The following MYSM1 variants were observed in gnomAD, a reference collection of about 807,000 sequenced individuals.
The protein encoded by MYSM1 is deubiquitinase MYSM1.
MYSM1 carries 51 observed loss-of-function variants against 116.0 expected under a neutral mutation model. The observed-to-expected ratio is 0.44, with a 90% CI of 0.35 to 0.56. The LOEUF is 0.56. Ranked by LOEUF, MYSM1 falls within the 20% of genes least tolerant of loss-of-function variation. The probability of loss-of-function intolerance (pLI) is 0.00; values close to 1 mark genes in which losing one functional copy is unlikely to be tolerated. For synonymous variants in MYSM1, 313 were observed against 315.2 expected (o/e 0.99, Z 0.07); for missense variants, 900 against 974.9 (o/e 0.92, Z 1.02).
intron 9 of MYSM1, among the ~76,000 whole-genome samples, chr1:58,675,864 C>T (rs1644642765): frequency 6.6e-6 from 1 of 152,086 alleles, no homozygotes; most frequent in South Asian, 2.1e-4. Context: ...AAGCAAAAAT[C>T]CTTTAGTTTT....
chr1:58,668,081 A>T (rs563151223), intron 14 of MYSM1, among the ~76,000 whole-genome samples, 160 bp from the exon 15 acceptor site: 1 of 152,342 alleles, frequency 6.6e-6, no homozygotes, highest in Admixed American at 6.5e-5. Flanking sequence ...ATCAGTGCAC[A>T]GAAACTAAGA....
intron 11 of MYSM1, among the ~76,000 whole-genome samples, 170 bp downstream of exon 11, chr1:58,673,403 C>T (rs1343243771): frequency 2.6e-5 from 4 of 152,200 alleles, no homozygotes; most frequent in African/African-American, 7.2e-5. Context: ...ACTGCACCAC[C>T]AATGCCTTCT....
rs1644304452 is a variant in MYSM1 at position 58,655,234 on chromosome 1, C to T, written c.*4763G>A. 1 of 152,092 alleles carries T rather than the reference C, an allele frequency of 6.6e-6. No individual in the cohort carries two copies. The highest frequency in any genetic ancestry group is 2.1e-4 in the South Asian group (1 of 4,826). 9.4% of individuals were successfully genotyped at this position (152,092 alleles called of 1,614,324 possible). A position where few individuals can be genotyped will look rare whatever the true frequency, so the allele number is the denominator to read the frequency against. On this transcript the variant is annotated 3_prime_UTR_variant, in exon 20 of 20. Transcript: ENST00000472487. ...GTTTAAATACATGTTTCACAGTAAT[C>T]TATGAAACAGGAATATAAACTATGA...
intron 7 of MYSM1, among the ~76,000 whole-genome samples, chr1:58,682,936 G>C (rs6658366): frequency 0.9 from 137,014 of 152,100 alleles, 61,748 homozygotes; most frequent in East Asian, 0.93. Context: ...ACCTTGTGAT[G>C]CACCTGCCTC....
Position 58,699,790 on chromosome 1 carries a change from C to T in MYSM1, c.68+195G>A, listed in dbSNP as rs573851306. 4.9e-5 allele frequency: 48 copies of T among 985,464 alleles called. 1 individual carries two copies. The South Asian group carries it at 2.0e-3, about 41-fold the overall frequency. 61.0% of individuals were successfully genotyped at this position (985,464 alleles called of 1,614,324 possible). ...TGAAAGCGACCCAGGAGTACCTGAG[C>T]TCCAGGTAACCGCCCTGCCCGCTGG... is the stretch of plus-strand genomic sequence containing the variant. On this transcript the variant is annotated intron_variant, in intron 1 of 19. Coordinates refer to ENST00000472487, the MANE Select transcript of MYSM1 (RefSeq NM_001085487.3).
chr1:58,670,303 A>G (rs1644541272), intron 12 of MYSM1, among the ~76,000 whole-genome samples: 1 of 152,238 alleles, frequency 6.6e-6, no homozygotes, highest in Non-Finnish European at 1.5e-5. Context: ...CTTAAGAACC[A>G]CGGATATGGA....
chr1:58,667,124 A>T lies in MYSM1; in HGVS notation c.1945T>A (p.Phe649Ile). Residue 649 changes from phenylalanine (F) to isoleucine (I), a missense_variant, in exon 16 of 20, where the codon TTC (phenylalanine) becomes ATC (isoleucine). Around this residue, in one of 3 missense-constraint regions of MYSM1, gnomAD observed 92 missense variants for 155.0 expected, o/e 0.59. Transcript: ENST00000472487. ...QASETLAVRG[F>I]SVIGWYHSHP... ...GAATGATACCATCCAATAACACTGA[A>T]GCCTCTAACAGCCAAGGTTTCTGAG... is the stretch of plus-strand genomic sequence containing the variant. 1 of 1,613,536 alleles carries T rather than the reference A, an allele frequency of 6.2e-7. No individual in the cohort carries two copies. The highest frequency in any genetic ancestry group is 8.5e-7 in the Non-Finnish European group (1 of 1,179,602).
chr1:58,681,826 T>C lies in MYSM1; in HGVS notation c.1218A>G (p.Pro406=), dbSNP rs762547339. Residue 406 remains proline (P), a synonymous_variant, in exon 8 of 20, where the codon CCA becomes CCG. Transcript: ENST00000472487. ...AATTTCTAATTTTCAAATAGCGTTC[T>C]GGTGTTTTAGCTTGGCGCCCCTCAA... The part of the protein sequence containing the change: ...EFFEGRQAKT[P]ERYLKIRNYI... 26 of 1,603,002 alleles carry C rather than the reference T, an allele frequency of 1.6e-5. No homozygotes were observed. The highest frequency in any genetic ancestry group is 2.2e-5 in the Non-Finnish European group (26 of 1,177,228).
chr1:58,691,151 G>C (rs1644900376), intron 3 of MYSM1, among the ~76,000 whole-genome samples: 1 of 152,016 alleles, frequency 6.6e-6, no homozygotes, highest in South Asian at 2.1e-4. Flanking sequence ...GTGGTGGCGG[G>C]CGCCTGTAGT....
intron 12 of MYSM1, 44 bp from the exon 13 acceptor site, chr1:58,669,082 G>A: frequency 1.5e-6 from 2 of 1,341,342 alleles, no homozygotes; most frequent in Non-Finnish European, 2.1e-6. Flanking sequence ...AACAAGATTA[G>A]GAAAATAACA....
chr1:58,689,199 A>G (rs919519059), intron 5 of MYSM1, 83 bp from the exon 6 acceptor site: 6 of 989,082 alleles, frequency 6.1e-6, no homozygotes, highest in Non-Finnish European at 7.6e-6. Flanking sequence ...ATAGATAGCC[A>G]TGGGCTAAAT....
At chr1:58,696,376 C>T (rs1209168825) in intron 1 of MYSM1, among the ~76,000 whole-genome samples, 3 of 152,140 alleles carry the variant, frequency 2.0e-5, no homozygotes, top group Non-Finnish European at 4.4e-5. Flanking sequence ...CCATAGGTAC[C>T]ACATATTAGC....
At chr1:58,690,273 TAAGG>T (rs1366697458) in intron 4 of MYSM1, 24 bp from the exon 5 acceptor site, 5 of 1,574,360 alleles carry the variant, frequency 3.2e-6, no homozygotes, top group Non-Finnish European at 4.3e-6. Flanking sequence ...AAAAAGAAAA[TAAGG>T]AAGCGTGTGA....
At chr1:58,685,061 G>GT (rs1644807828) in intron 7 of MYSM1, 92 bp downstream of exon 7, 1 of 1,036,898 alleles carries the variant, frequency 9.6e-7, no homozygotes, top group African/African-American at 1.6e-5. Context: ...ACTTTTACCA[G>GT]TAAGACTTTA....
intron 15 of MYSM1, 108 bp downstream of exon 15, chr1:58,667,739 T>G (rs185352979): frequency 1.7e-5 from 12 of 701,234 alleles, no homozygotes; most frequent in Admixed American, 1.6e-4. Context: ...CTCATATATA[T>G]CATAGGTAAA....
In MYSM1 at chr1:58,657,420, C is replaced by A. The variant is rs976934445; in HGVS notation, c.*2577G>T. ...GAACTTCCTGTATCATAGGCCCCCT[C>A]AGTTCTAGACTTCCTCTGTGCTTCT... On this transcript the variant is annotated 3_prime_UTR_variant, in exon 20 of 20. Transcript: ENST00000472487. 11 of 152,298 alleles carry A rather than the reference C, an allele frequency of 7.2e-5. No homozygotes were observed. Among genetic ancestry groups the A allele is most frequent in the African/African-American group, 2.6e-4 (11 of 41,564 alleles). The allele number at this position is 152,298 out of a possible 1,614,324, so 9.4% of individuals were successfully genotyped here.
chr1:58,695,836 G>A (rs2811889), intron 1 of MYSM1, among the ~76,000 whole-genome samples: 2 of 152,180 alleles, frequency 1.3e-5, no homozygotes, highest in African/African-American at 4.8e-5. Flanking sequence ...TATCTCACTC[G>A]TTTCATTAAG....
chr1:58,675,817 A>C (rs1365083631), intron 9 of MYSM1, among the ~76,000 whole-genome samples: 1 of 152,240 alleles, frequency 6.6e-6, no homozygotes, highest in African/African-American at 2.4e-5. Flanking sequence ...AGTCTAATAC[A>C]GAAAACATGA....
At chr1:58,676,889 T>C in intron 9 of MYSM1, 37 bp downstream of exon 9, 1 of 1,600,224 alleles carries the variant, frequency 6.2e-7, no homozygotes, top group African/African-American at 1.3e-5. Context: ...GGATAAAAAA[T>C]GTCGAGTAAA....
Sources: gnomAD v4.1 joint callset for allele counts (sites outside exome capture counted in the v4.1 genomes callset) on GRCh38, gnomAD v4.1.1 for gene constraint, gnomAD v4.1.1 regional missense constraint, MANE v1.5 for transcripts, NCBI Gene and HGNC (gene_info 2026-07-23, HGNC 2026-07-21) for gene names.